The following ARL13A variants were observed in gnomAD, a reference collection of about 807,000 sequenced individuals.
ARL13A encodes the protein ADP-ribosylation factor-like protein 13A.
Under a neutral mutation model 19.1 loss-of-function variants are expected in ARL13A, and 16 were observed. That is an observed-to-expected ratio of 0.84 (90% CI 0.57 to 1.27). The LOEUF is 1.27. Ranked by LOEUF, ARL13A falls within the 50% of genes most tolerant of loss-of-function variation. ARL13A has a pLI of 0.00. For synonymous variants in ARL13A, 69 were observed against 71.3 expected (o/e 0.97, Z 0.17); for missense variants, 153 against 186.4 (o/e 0.82, Z 1.04).
At chrX:100,972,224 C>G (rs1465192767) in intron 1 of ARL13A, among the ~76,000 whole-genome samples, 1 of 97,632 alleles carries the variant, frequency 1.0e-5, no homozygotes, top group Admixed American at 1.1e-4. Context: ...CATCCTGGCC[C>G]GTTCTCAATG....
chrX:100,988,385 G>T, intron 7 of ARL13A, 102 bp downstream of exon 7: 1 of 1,206,098 alleles, frequency 8.3e-7, no homozygotes. Context: ...CAGAAAGAAG[G>T]TACGAGATTA....
intron 3 of ARL13A, among the ~76,000 whole-genome samples, chrX:100,976,837 A>C (rs2085769966): frequency 8.9e-6 from 1 of 112,479 alleles, no homozygotes; most frequent in Non-Finnish European, 1.9e-5. Context: ...ACTTCAGGTG[A>C]TCCACCCGCC....
rs369580238 is a variant in ARL13A, at chrX:100,971,082, A to C, written c.-15+1273A>C. ...GAAACAATCCACTTTCCAAGGATGA[A>C]CCTTGAAGTGATTGCCTAAATTATC... On this transcript the variant is annotated intron_variant, in intron 1 of 7. Transcript: ENST00000450049. 9.2e-5 allele frequency among the ~76,000 whole-genome samples: 10 copies of C among 108,983 alleles called. No individual in the cohort carries two copies. In the East Asian group the frequency reaches 2.3e-3, roughly 25 times the overall value. 94.6% of individuals were successfully genotyped at this position (108,983 alleles called of 115,157 possible).
At chrX:100,978,845 T>C (rs1048099351) in intron 3 of ARL13A, among the ~76,000 whole-genome samples, 1 of 111,203 alleles carries the variant, frequency 9.0e-6, no homozygotes, top group Non-Finnish European at 1.9e-5. Context: ...ATTTTTTGTC[T>C]ATCTGTTGTA....
At position 100,973,673 on chromosome X, in the gene ARL13A, A is replaced by T. The variant is rs778988657; in HGVS notation, c.-14-3A>T. On this transcript the variant is annotated splice_polypyrimidine_tract_variant and splice_region_variant and intron_variant, in intron 1 of 7. Transcript: ENST00000450049. ...TATTTTCTTTCTTCTCTTAATATTT[A>T]AGAACTAAGATGAATCATGTTCCGG... 2.5e-6 allele frequency: 3 copies of T among 1,205,980 alleles called. No individual in the cohort carries two copies. In the Admixed American group the frequency reaches 6.5e-5, roughly 26 times the overall value.
chrX:100,988,351 C>T, intron 7 of ARL13A, 68 bp downstream of exon 7: 1 of 1,204,088 alleles, frequency 8.3e-7, no homozygotes, highest in Non-Finnish European at 1.1e-6. Flanking sequence ...AACTAACTTT[C>T]CCCCCCATCA....
rs770465627 is a variant in ARL13A, at chrX:100,980,753, C to A, written c.131-4914C>A. On this transcript the variant is annotated intron_variant, in intron 3 of 7. Transcript: ENST00000450049. ...GGCCAAGGCCCATGGTGACTACTGCCTGGCGCTTGCTTGGGATGTTTACTA... is the reference window on the plus strand; with the variant it reads ...GGCCAAGGCCCATGGTGACTACTGCATGGCGCTTGCTTGGGATGTTTACTA... Among the ~76,000 whole-genome samples, 6 of 111,388 alleles carry A rather than the reference C, an allele frequency of 5.4e-5. No individual in the cohort carries two copies. The East Asian group carries it at 1.7e-3, about 32-fold the overall frequency.
intron 3 of ARL13A, among the ~76,000 whole-genome samples, chrX:100,984,803 A>C (rs2085914122): frequency 8.9e-6 from 1 of 112,204 alleles, no homozygotes; most frequent in Non-Finnish European, 1.9e-5. Context: ...CTTCCTAAAC[A>C]GTACTTGAGC....
chrX:100,986,760 C>A, intron 4 of ARL13A, 36 bp from the exon 5 acceptor site: 1 of 1,023,904 alleles, frequency 9.8e-7, no homozygotes, highest in Non-Finnish European at 1.3e-6. Context: ...TTTCACTCTT[C>A]CACTCTTTTC....
At chrX:100,974,366 GTC>G (rs1035089352) in intron 3 of ARL13A, among the ~76,000 whole-genome samples, 169 bp downstream of exon 3, 1 of 103,414 alleles carries the variant, frequency 9.7e-6, no homozygotes, top group African/African-American at 3.5e-5. Flanking sequence ...ATCTCTCTCT[GTC>G]TCTCTCTCTC....
intron 3 of ARL13A, among the ~76,000 whole-genome samples, chrX:100,977,632 C>T (rs777919853): frequency 1.3e-4 from 14 of 111,311 alleles, no homozygotes; most frequent in African/African-American, 3.3e-4. Flanking sequence ...CTGCCTGCCT[C>T]GGCCTCCCAA....
rs2085941603 is a variant in ARL13A, at chrX:100,986,799, A to G, written c.384A>G (p.Leu128=). The G allele has an allele frequency of 2.5e-6, 3 of 1,187,366 alleles. No individual in the cohort carries two copies. The East Asian group carries it at 9.1e-5, about 36-fold the overall frequency. The change falls in exon 5 of 8, where the codon TTA becomes TTG. Residue 128 remains leucine, a synonymous_variant. Coordinates refer to ENST00000450049, the MANE Select transcript of ARL13A (RefSeq NM_001162491.2). ...CCTCTCTCATATGCTGTTTTAGTTT[A>G]GCAAACAAACAAGACAAGAAGAAAG... ...KRVAGKPILI[L]ANKQDKKKAL...
intron 4 of ARL13A, 64 bp downstream of exon 4, chrX:100,985,980 G>T: frequency 8.8e-7 from 1 of 1,132,626 alleles, no homozygotes; most frequent in Non-Finnish European, 1.2e-6. Context: ...GTATAGAAAT[G>T]AAGGGTGGGG....
chrX:100,990,454 G>A, intron 7 of ARL13A, 108 bp from the exon 8 acceptor site: 1 of 986,025 alleles, frequency 1.0e-6, no homozygotes, highest in Non-Finnish European at 1.3e-6. Flanking sequence ...GGACTACCCG[G>A]TTTTTAAATT....
intron 1 of ARL13A, among the ~76,000 whole-genome samples, chrX:100,972,398 G>A (rs890166852): frequency 9.9e-6 from 1 of 100,808 alleles, no homozygotes; most frequent in African/African-American, 3.6e-5. Context: ...GCGGCTGGCC[G>A]GGCAGAGGGG....
At chrX:100,985,286 C>T (rs918651534) in intron 3 of ARL13A, among the ~76,000 whole-genome samples, 4 of 111,050 alleles carry the variant, frequency 3.6e-5, no homozygotes, top group Non-Finnish European at 5.7e-5. Flanking sequence ...CAGGTTACAG[C>T]GCTAGGAGAT....
chrX:100,973,497 G>GGGC (rs1362839301), intron 1 of ARL13A, among the ~76,000 whole-genome samples, 179 bp from the exon 2 acceptor site: 2 of 110,799 alleles, frequency 1.8e-5, no homozygotes, highest in African/African-American at 3.3e-5. Context: ...CCCGGCGGTC[G>GGGC]GGCGGCGGCG....
At chrX:100,972,487 C>T (rs1274717960) in intron 1 of ARL13A, among the ~76,000 whole-genome samples, 22 of 91,692 alleles carry the variant, frequency 2.4e-4, no homozygotes, top group African/African-American at 8.5e-4. Context: ...GGCAGGGGGG[C>T]TGACCCCCCC....
rs181960774 is a variant in ARL13A at position 100,982,707 on chromosome X, G to A, written c.131-2960G>A. ...CTGTCACCCCGACTGGGGTGCAGTG[G>A]TACAGTGGTGTGATCATGGGTCACT... On this transcript the variant is annotated intron_variant, in intron 3 of 7. Transcript: ENST00000450049. 3.2e-3 allele frequency among the ~76,000 whole-genome samples: 335 copies of A among 104,327 alleles called. 1 individual carries two copies. The highest frequency in any genetic ancestry group is 9.5e-3 in the Middle Eastern group (2 of 211). 90.6% of individuals were successfully genotyped at this position (104,327 alleles called of 115,157 possible).
Sources: allele counts gnomAD v4.1 joint callset (sites outside exome capture counted in the v4.1 genomes callset), GRCh38; gene constraint gnomAD v4.1.1; transcripts MANE v1.5; gene names NCBI Gene and HGNC (gene_info 2026-07-23, HGNC 2026-07-21).